The following MYLK variants were observed in gnomAD, a reference collection of about 807,000 sequenced individuals.
MYLK encodes myosin light chain kinase, smooth muscle.
In MYLK, 106 loss-of-function variants were observed where a neutral mutation model predicts 203.4. The observed-to-expected ratio is 0.52, with a 90% CI of 0.45 to 0.61. The LOEUF is 0.61. MYLK is among the 20% of genes least tolerant of loss of function. The pLI is 0.00. For missense variants in MYLK, 2,072 were observed against 2,442.3 expected, an observed-to-expected ratio of 0.85 and a Z score of 3.20; for synonymous variants, 867 against 959.5, an observed-to-expected ratio of 0.90 and a Z score of 1.78.
intron 4 of MYLK, among the ~76,000 whole-genome samples, chr3:123,789,273 G>T (rs946628696): frequency 6.6e-6 from 1 of 152,042 alleles, no homozygotes; most frequent in Non-Finnish European, 1.5e-5. Context: ...AACACAGAGC[G>T]CGCGTCTGAA....
chr3:123,639,017 T>C (rs2058740780), intron 28 of MYLK: 3 of 985,350 alleles, frequency 3.0e-6, no homozygotes, highest in Admixed American at 6.1e-5. Context: ...TTCTGCTACA[T>C]TTTAGCCACT....
intron 29 of MYLK, among the ~76,000 whole-genome samples, chr3:123,635,551 C>T (rs1457808948): frequency 1.3e-5 from 2 of 152,228 alleles, no homozygotes; most frequent in Non-Finnish European, 2.9e-5. Flanking sequence ...CTCCTCCCTC[C>T]TGACAACCCT....
At chr3:123,837,956 T>C (rs1358885444) in intron 2 of MYLK, among the ~76,000 whole-genome samples, 1 of 152,140 alleles carries the variant, frequency 6.6e-6, no homozygotes, top group Non-Finnish European at 1.5e-5. Flanking sequence ...AATATGCATA[T>C]AATTGGAATC....
At chr3:123,846,987 C>G (rs2030092020) in intron 2 of MYLK, among the ~76,000 whole-genome samples, 1 of 152,028 alleles carries the variant, frequency 6.6e-6, no homozygotes, top group Admixed American at 6.6e-5. Flanking sequence ...GGAATTCTTA[C>G]AGTATACAGT....
intron 4 of MYLK, among the ~76,000 whole-genome samples, chr3:123,762,606 T>G (rs1186622592): frequency 1.3e-5 from 2 of 152,184 alleles, no homozygotes; most frequent in African/African-American, 4.8e-5. Flanking sequence ...AAGTTCATGT[T>G]GAAACTTAAT....
intron 20 of MYLK, among the ~76,000 whole-genome samples, chr3:123,680,235 T>C: frequency 6.6e-6 from 1 of 152,202 alleles, no homozygotes; most frequent in East Asian, 1.9e-4. Flanking sequence ...CAAGCTTGTT[T>C]TCCTCCTCCA....
At chr3:123,854,877 A>G (rs1244516154) in intron 2 of MYLK, among the ~76,000 whole-genome samples, 1 of 152,164 alleles carries the variant, frequency 6.6e-6, no homozygotes, top group Non-Finnish European at 1.5e-5. Flanking sequence ...TTATCTAGGT[A>G]TAGTATTTTA....
At chr3:123,866,715 T>C (rs934330165) in intron 2 of MYLK, among the ~76,000 whole-genome samples, 2 of 151,920 alleles carry the variant, frequency 1.3e-5, no homozygotes, top group African/African-American at 2.4e-5. Context: ...TACCCACCCA[T>C]ATCAGCTGCT....
At chr3:123,680,180 C>T (rs995140469) in intron 20 of MYLK, among the ~76,000 whole-genome samples, 1 of 152,204 alleles carries the variant, frequency 6.6e-6, no homozygotes, top group African/African-American at 2.4e-5. Context: ...CCACAGCCTT[C>T]TGTTCTCAGG....
chr3:123,733,645 G>A (rs781502582), intron 10 of MYLK, 42 bp downstream of exon 10: 70 of 1,610,014 alleles, frequency 4.3e-5, no homozygotes, highest in Non-Finnish European at 5.9e-5. Flanking sequence ...CCACCAAGGG[G>A]CTACATTTTG....
At position 123,647,155 on chromosome 3, in the gene MYLK, T is replaced by C; in HGVS notation, c.4619+69A>G. ...CATCTTGGGGCAGAGGTGGCTGGGG[T>C]AGGGCAGTAGGGGAGACACGTTTGG... On this transcript the variant is annotated intron_variant, in intron 27 of 33. Transcript: ENST00000360304. 2.1e-6 allele frequency: 3 copies of C among 1,427,508 alleles called. No homozygotes were observed. In the South Asian group the frequency reaches 3.5e-5, roughly 17 times the overall value. The allele number at this position is 1,427,508 out of a possible 1,614,324, so 88.4% of individuals were successfully genotyped here.
At chr3:123,654,824 C>T (rs1209165230) in intron 24 of MYLK, among the ~76,000 whole-genome samples, 1 of 151,222 alleles carries the variant, frequency 6.6e-6, no homozygotes, top group Non-Finnish European at 1.5e-5. Flanking sequence ...TCAAGCGATC[C>T]TCCTGCCTCA....
chr3:123,771,163 T>C (rs1410923181), intron 4 of MYLK, among the ~76,000 whole-genome samples: 1 of 152,226 alleles, frequency 6.6e-6, no homozygotes, highest in Admixed American at 6.5e-5. Context: ...AATGAACTCA[T>C]CTATAAAACT....
At chr3:123,828,484 C>T (rs1577081938) in intron 3 of MYLK, among the ~76,000 whole-genome samples, 1 of 152,068 alleles carries the variant, frequency 6.6e-6, no homozygotes, top group East Asian at 1.9e-4. Flanking sequence ...AAATGTAAGA[C>T]CTGAAATGAT....
intron 11 of MYLK, among the ~76,000 whole-genome samples, chr3:123,729,705 A>T (rs918081718): frequency 1.3e-5 from 2 of 151,978 alleles, no homozygotes; most frequent in Non-Finnish European, 2.9e-5. Flanking sequence ...ACATAGTAAG[A>T]CCTTTTATCT....
intron 2 of MYLK, among the ~76,000 whole-genome samples, chr3:123,875,462 G>T (rs1195389343): frequency 6.6e-6 from 1 of 152,154 alleles, no homozygotes; most frequent in African/African-American, 2.4e-5. Context: ...AGGTCTGCAT[G>T]GTGGGAGAGC....
Position 123,629,407 on chromosome 3 carries a change from A to G in MYLK, c.5114+67T>C. Reference sequence around the variant, plus strand: ...GGAGGGCACCCCAACAGGCAAAGGAATCCCCCTTTGCTTCCCAACACAGGG... The same window carrying G: ...GGAGGGCACCCCAACAGGCAAAGGAGTCCCCCTTTGCTTCCCAACACAGGG... On this transcript the variant is annotated intron_variant, in intron 30 of 33. Coordinates refer to ENST00000360304, the MANE Select transcript of MYLK (RefSeq NM_053025.4). This position sits in a 1 kb window ranked among gnomAD's most constrained non-coding sequence, Gnocchi z 4.4. The G allele has an allele frequency of 3.8e-6, 6 of 1,590,242 alleles. No homozygotes were observed. Among genetic ancestry groups the G allele is most frequent in the African/African-American group, 1.3e-5 (1 of 74,562 alleles).
At chr3:123,824,925 G>T (rs934322456) in intron 3 of MYLK, among the ~76,000 whole-genome samples, 1 of 152,070 alleles carries the variant, frequency 6.6e-6, no homozygotes, top group African/African-American at 2.4e-5. Flanking sequence ...GAGGTGGGAG[G>T]ATTGCTTGAG....
intron 19 of MYLK, among the ~76,000 whole-genome samples, chr3:123,687,931 T>C (rs2060521631): frequency 6.6e-6 from 1 of 152,152 alleles, no homozygotes; most frequent in Non-Finnish European, 1.5e-5. Flanking sequence ...TCTCAAAGTG[T>C]TGGTATTACA....
Sources: gnomAD v4.1 joint callset for allele counts (sites outside exome capture counted in the v4.1 genomes callset) on GRCh38, gnomAD v4.1.1 for gene constraint, Gnocchi (gnomAD v3.1) non-coding constraint, MANE v1.5 for transcripts, NCBI Gene and HGNC (gene_info 2026-07-23, HGNC 2026-07-21) for gene names.